The following RCBTB2 variants were observed in gnomAD, a reference collection of about 807,000 sequenced individuals.
The protein encoded by RCBTB2 is RCC1 and BTB domain containing protein 2.
RCBTB2 carries 55 observed loss-of-function variants against 65.4 expected under a neutral mutation model. The observed-to-expected ratio is 0.84, with a 90% CI of 0.68 to 1.05. RCBTB2 has a LOEUF of 1.05. Ranked by LOEUF, RCBTB2 falls within the 50% of genes least tolerant of loss-of-function variation. RCBTB2 has a pLI of 0.00. For synonymous variants in RCBTB2, 220 were observed against 255.2 expected (o/e 0.86, Z 1.31); for missense variants, 599 against 680.1 (o/e 0.88, Z 1.33).
At chr13:48,522,008 G>A (rs751609304) in intron 3 of RCBTB2, 46 bp from the exon 4 acceptor site, 32 of 1,515,638 alleles carry the variant, frequency 2.1e-5, no homozygotes, top group Non-Finnish European at 2.7e-5. Flanking sequence ...TATGTTCGAT[G>A]GAACCAGGCA....
intron 14 of RCBTB2, among the ~76,000 whole-genome samples, chr13:48,491,886 T>A (rs1949714786): frequency 6.6e-6 from 1 of 152,178 alleles, no homozygotes; most frequent in Non-Finnish European, 1.5e-5. Flanking sequence ...TTCAATAAAT[T>A]GGCATAGGGT....
At chr13:48,530,110 G>C (rs937422381) in intron 1 of RCBTB2, among the ~76,000 whole-genome samples, 1 of 151,920 alleles carries the variant, frequency 6.6e-6, no homozygotes, top group Non-Finnish European at 1.5e-5. Flanking sequence ...TGTTGTCCCG[G>C]CTGGTCTCTA....
In RCBTB2 at chr13:48,499,746, C is replaced by T. The variant is rs201996822; in HGVS notation, c.1259G>A (p.Arg420His). ...ATCCTCGTTATCTTCCAATGACGAA[C>T]GAAAATGCTCACATCTGAAGGAAAA... is the stretch of plus-strand genomic sequence containing the variant. ...VLLKIRCEHF[R>H]SSLEDNEDDI... The change falls in exon 13 of 15, where the codon CGT becomes CAT. Residue 420 changes from arginine to histidine, a missense_variant. Transcript: ENST00000344532. The T allele has an allele frequency of 1.1e-4, 175 of 1,614,020 alleles. No individual in the cohort carries two copies. The highest frequency in any genetic ancestry group is 1.4e-4 in the Non-Finnish European group (161 of 1,180,010).
Position 48,510,709 on chromosome 13 carries a change from G to A in RCBTB2, c.846C>T (p.Gly282=), listed in dbSNP as rs1374270530. Residue 282 remains glycine (G), a synonymous_variant, in exon 10 of 15, where the codon GGC becomes GGT. Transcript: ENST00000344532. ...TGCCCAACTGCCCATAAGAATTGGCGCCCCAAGCATACACTTGGCCTTCAT... is the reference window on the plus strand; with the variant it reads ...TGCCCAACTGCCCATAAGAATTGGCACCCCAAGCATACACTTGGCCTTCAT... The part of the protein sequence containing the change: ...LTDEGQVYAW[G]ANSYGQLGTG... The A allele has an allele frequency of 9.3e-6, 15 of 1,613,884 alleles. No homozygotes were observed. The highest frequency in any genetic ancestry group is 6.7e-5 in the East Asian group (3 of 44,894).
intron 7 of RCBTB2, 125 bp downstream of exon 7, chr13:48,512,603 CA>C: frequency 2.4e-6 from 2 of 829,690 alleles, no homozygotes; most frequent in South Asian, 2.0e-5. Flanking sequence ...GAATTGCTAC[CA>C]AAAATAAGGC....
intron 2 of RCBTB2, among the ~76,000 whole-genome samples, chr13:48,524,254 T>C (rs1951584180): frequency 6.6e-6 from 1 of 152,212 alleles, no homozygotes; most frequent in South Asian, 2.1e-4. Flanking sequence ...ATTAACAATA[T>C]GTTGATATAT....
chr13:48,499,111 A>AACACACACACACACACACACACACAC (rs142443945), intron 13 of RCBTB2, among the ~76,000 whole-genome samples: 11 of 105,916 alleles, frequency 1.0e-4, no homozygotes, highest in African/African-American at 3.0e-4. Context: ...CCCCCACCCC[A>AACACACACACACACACACACACACAC]ACACACACAC....
intron 14 of RCBTB2, among the ~76,000 whole-genome samples, chr13:48,493,309 A>ACTCTCTCTCTCTCTCT (rs1429120157): frequency 7.5e-4 from 36 of 47,886 alleles, no homozygotes; most frequent in South Asian, 4.4e-3. Flanking sequence ...ACACACACAC[A>ACTCTCTCTCTCTCTCT]CACACACTCT....
At chr13:48,524,859 T>C (rs1951619890) in intron 1 of RCBTB2, 102 bp from the exon 2 acceptor site, 1 of 152,086 alleles carries the variant, frequency 6.6e-6, no homozygotes. Flanking sequence ...CTGAGAAAAA[T>C]ACAGCTTAAA....
intron 4 of RCBTB2, among the ~76,000 whole-genome samples, chr13:48,516,018 G>A (rs1004896533): frequency 6.6e-5 from 10 of 152,194 alleles, no homozygotes; most frequent in African/African-American, 1.4e-4. Flanking sequence ...GGAACTGAAT[G>A]TTCAGCAGAT....
intron 10 of RCBTB2, among the ~76,000 whole-genome samples, chr13:48,508,306 G>C (rs781734585): frequency 2.0e-5 from 3 of 152,192 alleles, no homozygotes; most frequent in Non-Finnish European, 4.4e-5. Flanking sequence ...GAATACGCCC[G>C]TGATTGAGTG....
intron 3 of RCBTB2, 116 bp from the exon 4 acceptor site, chr13:48,522,078 A>G (rs1951459730): frequency 1.1e-6 from 1 of 886,560 alleles, no homozygotes; most frequent in Non-Finnish European, 1.7e-6. Context: ...AATGTTGTGA[A>G]AGGAAGATAA....
At chr13:48,496,865 C>T (rs1323691737) in intron 13 of RCBTB2, among the ~76,000 whole-genome samples, 1 of 136,806 alleles carries the variant, frequency 7.3e-6, no homozygotes, top group Non-Finnish European at 1.5e-5. Flanking sequence ...GGAGGGGAGA[C>T]CCTTTCATGG....
rs894633326 is a variant in RCBTB2 at position 48,524,398 on chromosome 13, CTTAT to C, written c.-120+257_-120+260del. Among the ~76,000 whole-genome samples the C allele has an allele frequency of 1.6e-4, 25 of 152,182 alleles. 1 individual carries two copies. Among genetic ancestry groups the C allele is most frequent in the African/African-American group, 6.0e-4 (25 of 41,448 alleles). On this transcript the variant is annotated intron_variant, in intron 2 of 14. Transcript: ENST00000344532. ...CTGTGCCAGGCACTAAGTGCCTCAC[CTTAT>C]TTAATCTTTATAATATCCAAATGAA...
upstream of RCBTB2, among the ~76,000 whole-genome samples, chr13:48,535,523 C>G (rs192987437): frequency 6.6e-6 from 1 of 152,124 alleles, no homozygotes. Context: ...CCTAAAGTGC[C>G]GAGATTATAG....
At chr13:48,516,690 T>C (rs1342882739) in intron 4 of RCBTB2, among the ~76,000 whole-genome samples, 1 of 152,196 alleles carries the variant, frequency 6.6e-6, no homozygotes, top group Non-Finnish European at 1.5e-5. Flanking sequence ...CTGGCTGTAC[T>C]TCAACACATA....
intron 13 of RCBTB2, among the ~76,000 whole-genome samples, chr13:48,499,215 A>T (rs1163798138): frequency 6.6e-6 from 1 of 151,348 alleles, no homozygotes; most frequent in East Asian, 1.9e-4. Context: ...AAACCACAGA[A>T]TTTTTAGCCA....
intron 14 of RCBTB2, among the ~76,000 whole-genome samples, chr13:48,494,787 T>C (rs1457118257): frequency 6.6e-6 from 1 of 152,202 alleles, no homozygotes; most frequent in Non-Finnish European, 1.5e-5. Flanking sequence ...ACATTCTGTG[T>C]TGTAAGTGCC....
chr13:48,489,969 C>T lies in RCBTB2; in HGVS notation c.*142G>A. The T allele has an allele frequency of 3.3e-6, 3 of 896,236 alleles. No individual in the cohort carries two copies. In the South Asian group the frequency reaches 4.4e-5, roughly 13 times the overall value. 55.5% of individuals were successfully genotyped at this position (896,236 alleles called of 1,614,324 possible). Reference sequence around the variant, plus strand: ...TCTGGGTTTAGGCAGACAAAGACCACTCACCACCATCCTTCTTCTGACAGT... The same window carrying T: ...TCTGGGTTTAGGCAGACAAAGACCATTCACCACCATCCTTCTTCTGACAGT... On this transcript the variant is annotated 3_prime_UTR_variant, in exon 15 of 15. Coordinates refer to ENST00000344532, the MANE Select transcript of RCBTB2 (RefSeq NM_001268.4).
Sources: allele counts gnomAD v4.1 joint callset (sites outside exome capture counted in the v4.1 genomes callset), GRCh38; gene constraint gnomAD v4.1.1; transcripts MANE v1.5; gene names NCBI Gene and HGNC (gene_info 2026-07-23, HGNC 2026-07-21).